The following ZFAT variants were observed in gnomAD, a reference collection of about 807,000 sequenced individuals.
The protein encoded by ZFAT is zinc finger protein ZFAT.
ZFAT carries 64 observed loss-of-function variants against 117.7 expected under a neutral mutation model. The ratio of observed to expected loss-of-function variants is 0.54; its 90% CI spans 0.44 to 0.67. The LOEUF is 0.67. Among genes scored for constraint, ZFAT ranks in the 30% least tolerant of loss-of-function variants. The pLI is 0.00. For missense variants in ZFAT, 1,433 were observed against 1,584.5 expected (o/e 0.90, Z 1.62); for synonymous variants, 679 against 615.0 (o/e 1.10, Z -1.54).
At chr8:134,692,324 G>C (rs1833623277) in intron 1 of ZFAT, among the ~76,000 whole-genome samples, 1 of 152,186 alleles carries the variant, frequency 6.6e-6, no homozygotes, top group Admixed American at 6.5e-5. Flanking sequence ...GTGATTTGAA[G>C]GAAGAGAAAC....
chr8:134,626,110 A>G (rs935119), intron 3 of ZFAT, among the ~76,000 whole-genome samples: 115,329 of 152,138 alleles, frequency 0.76, 44,028 homozygotes, highest in East Asian at 0.91. Flanking sequence ...GGCCCTGAGT[A>G]CCCTTTGGTC....
At chr8:134,701,134 C>T (rs1833998042) in intron 1 of ZFAT, among the ~76,000 whole-genome samples, 1 of 152,188 alleles carries the variant, frequency 6.6e-6, no homozygotes, top group Non-Finnish European at 1.5e-5. Flanking sequence ...AATTTTTCAT[C>T]TTACAAAACC....
the ZFAT span, among the ~76,000 whole-genome samples, chr8:134,819,496 A>ACCCCTCCCCCCCCC: frequency 2.5e-5 from 1 of 39,334 alleles, no homozygotes; most frequent in Non-Finnish European, 4.7e-5. Flanking sequence ...CGGATTTACC[A>ACCCCTCCCCCCCCC]CCCCCCCCCC....
chr8:134,508,404 A>G (rs966204104), intron 15 of ZFAT, among the ~76,000 whole-genome samples: 3 of 152,154 alleles, frequency 2.0e-5, no homozygotes, highest in Admixed American at 2.0e-4. Flanking sequence ...GTGCCAAGAA[A>G]AGCTAACCCC....
the ZFAT span, among the ~76,000 whole-genome samples, chr8:134,814,084 G>C: frequency 2.6e-5 from 4 of 152,118 alleles, no homozygotes; most frequent in Admixed American, 2.6e-4. Context: ...ATAAGCTCTT[G>C]AAAGAGAAAG....
chr8:134,783,367 G>A, the ZFAT span, among the ~76,000 whole-genome samples: 1 of 152,174 alleles, frequency 6.6e-6, no homozygotes, highest in Non-Finnish European at 1.5e-5. Flanking sequence ...CAGATCAGCA[G>A]TGGTCTCTGT....
rs1563803569 is a variant in ZFAT, at chr8:134,521,015, C to A, written c.3116-14G>T. ...ACTTCAAACCACCTGAAAGCACAGACAGAGGTTAAAAAAAAAATGTGTTCG... is the reference window on the plus strand; with the variant it reads ...ACTTCAAACCACCTGAAAGCACAGAAAGAGGTTAAAAAAAAAATGTGTTCG... On this transcript the variant is annotated splice_polypyrimidine_tract_variant and intron_variant, in intron 12 of 15. Coordinates refer to ENST00000377838, the MANE Select transcript of ZFAT (RefSeq NM_020863.4). The A allele has an allele frequency of 3.1e-6, 5 of 1,593,634 alleles. No individual in the cohort carries two copies. The highest frequency in any genetic ancestry group is 1.7e-5 in the Admixed American group (1 of 57,666).
chr8:134,630,960 T>C (rs1413215039), intron 3 of ZFAT, among the ~76,000 whole-genome samples: 1 of 152,258 alleles, frequency 6.6e-6, no homozygotes, highest in Non-Finnish European at 1.5e-5. Flanking sequence ...ATTGTGATAT[T>C]GTGCTTGGCA....
chr8:134,754,427 G>T, the ZFAT span, among the ~76,000 whole-genome samples: 1 of 152,224 alleles, frequency 6.6e-6, no homozygotes. Flanking sequence ...AGGGGTAGGT[G>T]ATTAGGCCAA....
At chr8:134,811,421 G>C in the ZFAT span, among the ~76,000 whole-genome samples, 1 of 152,122 alleles carries the variant, frequency 6.6e-6, no homozygotes, top group Non-Finnish European at 1.5e-5. Context: ...GGGGATATCT[G>C]CATAATTTCT....
At chr8:134,706,006 A>G (rs931629889) in intron 1 of ZFAT, among the ~76,000 whole-genome samples, 1 of 152,236 alleles carries the variant, frequency 6.6e-6, no homozygotes, top group Non-Finnish European at 1.5e-5. Context: ...AAAGACTGAC[A>G]ACACCAAATG....
chr8:134,485,505 ACCC>A (rs1817602264), intron 15 of ZFAT, among the ~76,000 whole-genome samples: 1 of 152,016 alleles, frequency 6.6e-6, no homozygotes, highest in African/African-American at 2.4e-5. Context: ...AGGAAAGACA[ACCC>A]CTCCTCATCT....
chr8:134,554,076 G>C (rs1468362000), intron 11 of ZFAT, among the ~76,000 whole-genome samples: 3 of 152,176 alleles, frequency 2.0e-5, no homozygotes, highest in African/African-American at 7.2e-5. Flanking sequence ...AGCTGGCAGA[G>C]GACTCTCTCC....
At chr8:134,575,828 C>G (rs1166886309) in intron 10 of ZFAT, among the ~76,000 whole-genome samples, 2 of 152,238 alleles carry the variant, frequency 1.3e-5, no homozygotes, top group Non-Finnish European at 2.9e-5. Context: ...TTGCAAAGCA[C>G]ACATCTTCAC....
chr8:134,571,799 C>T (rs188146797), intron 10 of ZFAT, among the ~76,000 whole-genome samples: 54 of 152,226 alleles, frequency 3.5e-4, no homozygotes, highest in African/African-American at 1.3e-3. Flanking sequence ...AGATTTGATA[C>T]CCATTAAACT....
chr8:134,820,014 A>G, the ZFAT span, among the ~76,000 whole-genome samples: 10 of 152,352 alleles, frequency 6.6e-5, no homozygotes, highest in Non-Finnish European at 1.2e-4. Context: ...GGACATCATG[A>G]TATCTTTCTG....
chr8:134,505,705 G>A (rs1160322409), intron 15 of ZFAT, among the ~76,000 whole-genome samples: 3 of 152,142 alleles, frequency 2.0e-5, no homozygotes, highest in African/African-American at 4.8e-5. Flanking sequence ...AAGGAGTGCA[G>A]GTGGCCTCTA....
intron 11 of ZFAT, among the ~76,000 whole-genome samples, chr8:134,537,805 G>C (rs138797554): frequency 2.6e-4 from 40 of 152,302 alleles, no homozygotes; most frequent in African/African-American, 9.4e-4. Flanking sequence ...GAAAAGAAGA[G>C]AACATTTAAG....
intron 2 of ZFAT, among the ~76,000 whole-genome samples, chr8:134,638,574 A>AC (rs1830388138): frequency 7.5e-6 from 1 of 132,896 alleles, no homozygotes; most frequent in African/African-American, 2.8e-5. Context: ...ACAAAAAAAA[A>AC]AAACATTAAC....
Sources: gnomAD v4.1 joint callset for allele counts (sites outside exome capture counted in the v4.1 genomes callset) on GRCh38, gnomAD v4.1.1 for gene constraint, MANE v1.5 for transcripts, NCBI Gene and HGNC (gene_info 2026-07-23, HGNC 2026-07-21) for gene names.